Variants in TCEANC2 observed in about 807,000 individuals in gnomAD.
The protein encoded by TCEANC2 is transcription elongation factor A N-terminal and central domain containing 2.
Under a neutral mutation model 22.8 loss-of-function variants are expected in TCEANC2, and 20 were observed. The observed-to-expected ratio is 0.88, with a 90% confidence interval of 0.62 to 1.28. The LOEUF (loss-of-function observed/expected upper bound fraction) is 1.28, where lower values mean the gene tolerates loss of function less well. Among genes scored for constraint, TCEANC2 ranks in the 50% most tolerant of loss-of-function variants. The probability of loss-of-function intolerance (pLI) is 0.00; values close to 1 mark genes in which losing one functional copy is unlikely to be tolerated. For missense variants in TCEANC2, 251 were observed against 249.7 expected (o/e 1.01, Z -0.03); for synonymous variants, 84 against 95.5 (o/e 0.88, Z 0.70).
At chr1:54,106,871 A>G (rs1361498797), downstream of TCEANC2, among the ~76,000 whole-genome samples, 2 of 152,134 alleles carry the variant, frequency 1.3e-5, no homozygotes, top group Non-Finnish European at 2.9e-5. Flanking sequence ...ATTTTTTTAA[A>G]TAAACTTTTT....
At chr1:54,084,637 G>A (rs2100378135) in intron 3 of TCEANC2, among the ~76,000 whole-genome samples, 1 of 152,132 alleles carries the variant, frequency 6.6e-6, no homozygotes, top group Middle Eastern at 3.4e-3. Flanking sequence ...CAAAGCGGGT[G>A]GACCACCTGA....
chr1:54,097,054 G>A lies in TCEANC2; in HGVS notation c.*581G>A, dbSNP rs1479621518. The A allele has an allele frequency of 1.1e-6, 1 of 926,408 alleles. No homozygotes were observed. The highest frequency in any genetic ancestry group is 1.8e-5 in the African/African-American group (1 of 56,024). The allele number at this position is 926,408 out of a possible 1,614,324, so 57.4% of individuals were successfully genotyped here. On this transcript the variant is annotated 3_prime_UTR_variant, in exon 5 of 5. Coordinates refer to ENST00000234827, the MANE Select transcript of TCEANC2 (RefSeq NM_153035.3). Reference sequence around the variant, plus strand: ...GGAAGACCTTCTGCGTTGGTCTCCAGAGCCCCCATGCTGAGGCTACTAATG... The same window carrying A: ...GGAAGACCTTCTGCGTTGGTCTCCAAAGCCCCCATGCTGAGGCTACTAATG...
intron 2 of TCEANC2, among the ~76,000 whole-genome samples, chr1:54,064,174 AACAG>A (rs1216077789): frequency 2.0e-5 from 3 of 152,226 alleles, no homozygotes; most frequent in Non-Finnish European, 4.4e-5. Context: ...GGAGAGAATG[AACAG>A]ACAGATGTAA....
At chr1:54,054,333 A>C in intron 1 of TCEANC2, 48 bp from the exon 2 acceptor site, 1 of 1,550,780 alleles carries the variant, frequency 6.4e-7, no homozygotes, top group Non-Finnish European at 8.7e-7. Flanking sequence ...AAAAAATATC[A>C]TGGCAGTCTT....
chr1:54,074,948 T>C (rs975614363), intron 3 of TCEANC2, among the ~76,000 whole-genome samples: 3 of 152,232 alleles, frequency 2.0e-5, no homozygotes, highest in Non-Finnish European at 4.4e-5. Context: ...GATCCTAACA[T>C]GTTGAATGCT....
At chr1:54,080,969 A>T (rs1184858645) in intron 3 of TCEANC2, among the ~76,000 whole-genome samples, 2 of 152,176 alleles carry the variant, frequency 1.3e-5, no homozygotes, top group African/African-American at 2.4e-5. Context: ...CATCTTTTTC[A>T]TCTGAATCAG....
At chr1:54,080,026 A>G (rs1194693586) in intron 3 of TCEANC2, among the ~76,000 whole-genome samples, 2 of 152,220 alleles carry the variant, frequency 1.3e-5, no homozygotes, top group East Asian at 3.9e-4. Flanking sequence ...GTCACCAACT[A>G]AATTAGCATT....
At chr1:54,066,313 G>A (rs1346660951) in intron 2 of TCEANC2, among the ~76,000 whole-genome samples, 2 of 151,706 alleles carry the variant, frequency 1.3e-5, no homozygotes, top group African/African-American at 4.8e-5. Context: ...AAGAAGATAC[G>A]AAAGAAGAAA....
intron 3 of TCEANC2, among the ~76,000 whole-genome samples, chr1:54,084,021 T>A (rs1000082212): frequency 9.2e-5 from 6 of 65,230 alleles, no homozygotes; most frequent in African/African-American, 3.2e-4. Context: ...TTTTGTCGGG[T>A]TTTTTTTTTT....
At chr1:54,057,992 G>A (rs1339374421) in intron 2 of TCEANC2, among the ~76,000 whole-genome samples, 1 of 152,190 alleles carries the variant, frequency 6.6e-6, no homozygotes, top group Admixed American at 6.5e-5. Context: ...GAGCCAGACT[G>A]CCTTACTAAA....
intron 3 of TCEANC2, among the ~76,000 whole-genome samples, chr1:54,084,205 G>T (rs1570014915): frequency 6.6e-6 from 1 of 152,160 alleles, no homozygotes; most frequent in Non-Finnish European, 1.5e-5. Flanking sequence ...TAGAGAGAGG[G>T]TTTCGCCATG....
At chr1:54,088,823 C>G in intron 4 of TCEANC2, 33 bp downstream of exon 4, 3 of 1,408,202 alleles carry the variant, frequency 2.1e-6, no homozygotes, top group Non-Finnish European at 2.8e-6. Context: ...CTGTTATGTA[C>G]CCATAATAAT....
At chr1:54,080,183 A>C (rs1658212813) in intron 3 of TCEANC2, among the ~76,000 whole-genome samples, 1 of 148,742 alleles carries the variant, frequency 6.7e-6, no homozygotes, top group East Asian at 2.0e-4. Flanking sequence ...TCACTCTGTC[A>C]GACAGGCTGG....
chr1:54,073,332 T>C (rs1021058008), intron 3 of TCEANC2, among the ~76,000 whole-genome samples: 3 of 152,216 alleles, frequency 2.0e-5, no homozygotes, highest in African/African-American at 7.2e-5. Context: ...GGGGATTAAC[T>C]TCTTTTGTTT....
chr1:54,089,934 C>T (rs1052170721), intron 4 of TCEANC2: 16 of 757,706 alleles, frequency 2.1e-5, no homozygotes, highest in South Asian at 3.0e-5. Flanking sequence ...GCAGAGCCAC[C>T]GGAAACGTAC....
At chr1:54,085,280 G>A (rs559699878) in intron 3 of TCEANC2, among the ~76,000 whole-genome samples, 43 of 152,200 alleles carry the variant, frequency 2.8e-4, no homozygotes, top group Non-Finnish European at 6.0e-4. Context: ...AGTATCTAGA[G>A]CAAACAGGCC....
At chr1:54,093,562 G>A (rs1008983250) in intron 4 of TCEANC2, among the ~76,000 whole-genome samples, 2 of 152,192 alleles carry the variant, frequency 1.3e-5, no homozygotes, top group South Asian at 4.1e-4. Context: ...CATAGCACCT[G>A]TCATGCTGCC....
Position 54,097,031 on chromosome 1 carries a change from A to T in TCEANC2, c.*558A>T. 1 of 980,428 alleles carries T rather than the reference A, an allele frequency of 1.0e-6. No individual in the cohort carries two copies. The allele number at this position is 980,428 out of a possible 1,614,324, so 60.7% of individuals were successfully genotyped here. A position where few individuals can be genotyped will look rare whatever the true frequency, so the allele number is the denominator to read the frequency against. On this transcript the variant is annotated 3_prime_UTR_variant, in exon 5 of 5. Coordinates refer to ENST00000234827, the MANE Select transcript of TCEANC2 (RefSeq NM_153035.3). ...ATCTGAACGTTTCAGCTCTCCCTGG[A>T]AGACCTTCTGCGTTGGTCTCCAGAG...
At chr1:54,065,135 G>T (rs949093816) in intron 2 of TCEANC2, among the ~76,000 whole-genome samples, 4 of 152,094 alleles carry the variant, frequency 2.6e-5, no homozygotes, top group African/African-American at 9.7e-5. Flanking sequence ...AAAGAGAACA[G>T]GTAAGTTTGG....
Sources: gnomAD v4.1 joint callset for allele counts (sites outside exome capture counted in the v4.1 genomes callset) on GRCh38, gnomAD v4.1.1 for gene constraint, MANE v1.5 for transcripts, NCBI Gene and HGNC (gene_info 2026-07-23, HGNC 2026-07-21) for gene names.